The following ANO2 variants were observed in gnomAD, a reference collection of about 807,000 sequenced individuals.
ANO2 encodes anoctamin 2, also known as anoctamin-2.
ANO2 carries 101 observed loss-of-function variants against 124.2 expected under a neutral mutation model. The ratio of observed to expected loss-of-function variants is 0.81; its 90% CI spans 0.69 to 0.96. The LOEUF is 0.96. Ranked by LOEUF, ANO2 falls within the 40% of genes least tolerant of loss-of-function variation. The pLI is 0.00. For synonymous variants in ANO2, 486 were observed against 482.5 expected, an observed-to-expected ratio of 1.01 and a Z score of -0.09; for missense variants, 1,293 against 1,274.5, an observed-to-expected ratio of 1.01 and a Z score of -0.22.
chr12:5,677,859 T>C (rs60048660), intron 14 of ANO2, among the ~76,000 whole-genome samples: 15,444 of 152,294 alleles, frequency 0.1, 1,035 homozygotes, highest in African/African-American at 0.18. Context: ...GCAATTTCCT[T>C]AGACGGCTCC....
intron 16 of ANO2, among the ~76,000 whole-genome samples, chr12:5,626,182 AG>A (rs1018647533): frequency 1.3e-5 from 2 of 152,108 alleles, no homozygotes; most frequent in Admixed American, 1.3e-4. Flanking sequence ...GCTGAGGGCC[AG>A]GGAGGTGAAA....
At chr12:5,802,956 T>A (rs998392647) in intron 9 of ANO2, among the ~76,000 whole-genome samples, 72 of 152,322 alleles carry the variant, frequency 4.7e-4, no homozygotes, top group African/African-American at 1.7e-3. Flanking sequence ...GGGATCACAT[T>A]TGACAGAGGT....
At position 5,900,712 on chromosome 12, in the gene ANO2, G is replaced by A. The variant is rs931028083; in HGVS notation, c.534+20328C>T. Among the ~76,000 whole-genome samples the A allele has an allele frequency of 6.6e-5, 10 of 152,302 alleles. No homozygotes were observed. The highest frequency in any genetic ancestry group is 5.9e-4 in the Admixed American group (9 of 15,308). On this transcript the variant is annotated intron_variant, in intron 3 of 24. Transcript: ENST00000682330. The surrounding 1 kb of genome is among the most constrained non-coding windows in gnomAD (Gnocchi z 4.2). ...ATCCCCTTCCCCATGGGTGGGGCCG[G>A]GACAGGAAATGGCCAAGCACACAGC...
At chr12:5,679,146 T>C (rs1328916012) in intron 14 of ANO2, among the ~76,000 whole-genome samples, 1 of 142,576 alleles carries the variant, frequency 7.0e-6, no homozygotes, top group East Asian at 2.1e-4. Context: ...TCAAGATGGA[T>C]TAAATACTTA....
intron 20 of ANO2, among the ~76,000 whole-genome samples, chr12:5,594,357 C>T (rs376873623): frequency 1.1e-3 from 164 of 152,340 alleles, no homozygotes; most frequent in African/African-American, 3.4e-3. Flanking sequence ...TATCCCTCCT[C>T]TGCACTTGCT....
chr12:5,804,634 A>G (rs1336102883), intron 9 of ANO2, among the ~76,000 whole-genome samples: 1 of 152,216 alleles, frequency 6.6e-6, no homozygotes, highest in Non-Finnish European at 1.5e-5. Context: ...ATATCAGCCA[A>G]AGAGAAACAT....
intron 14 of ANO2, among the ~76,000 whole-genome samples, chr12:5,665,856 A>G (rs1947684245): frequency 6.6e-6 from 1 of 152,086 alleles, no homozygotes; most frequent in Non-Finnish European, 1.5e-5. Context: ...ACCACAGGGT[A>G]CAGAGCCACC....
intron 14 of ANO2, among the ~76,000 whole-genome samples, chr12:5,688,142 G>C (rs1239420016): frequency 3.3e-5 from 5 of 152,108 alleles, no homozygotes; most frequent in Non-Finnish European, 7.4e-5. Flanking sequence ...ATGAAACCTA[G>C]AAACAACAAC....
chr12:5,730,397 C>T (rs984349158), intron 14 of ANO2, among the ~76,000 whole-genome samples: 2 of 152,136 alleles, frequency 1.3e-5, no homozygotes, highest in African/African-American at 2.4e-5. Flanking sequence ...AGCAAATTCG[C>T]GCACCACTCT....
chr12:5,827,881 T>C, intron 6 of ANO2, 61 bp from the exon 7 acceptor site: 2 of 1,554,320 alleles, frequency 1.3e-6, no homozygotes, highest in Non-Finnish European at 8.7e-7. Flanking sequence ...CCACCGTGTG[T>C]CACCCTCACC....
chr12:5,816,310 T>A (rs980279229), intron 7 of ANO2, among the ~76,000 whole-genome samples: 1 of 116,198 alleles, frequency 8.6e-6, no homozygotes, highest in Non-Finnish European at 1.8e-5. Context: ...CCTCATGGAG[T>A]TATCACATTC....
intron 14 of ANO2, among the ~76,000 whole-genome samples, chr12:5,725,097 T>TCTCA (rs1491449855): frequency 2.6e-4 from 37 of 143,490 alleles, no homozygotes; most frequent in Admixed American, 3.4e-4. Context: ...TGTCTCCCTC[T>TCTCA]CACACACACA....
intron 14 of ANO2, among the ~76,000 whole-genome samples, chr12:5,708,440 C>T (rs889570346): frequency 1.3e-5 from 2 of 152,184 alleles, no homozygotes; most frequent in Non-Finnish European, 2.9e-5. Flanking sequence ...CCTCTTTGAC[C>T]TTCAACCTCA....
At chr12:5,678,217 C>T (rs758832916) in intron 14 of ANO2, among the ~76,000 whole-genome samples, 28 of 152,280 alleles carry the variant, frequency 1.8e-4, no homozygotes, top group Admixed American at 1.2e-3. Flanking sequence ...GATGTCCTGA[C>T]GCTGATTGAG....
chr12:5,819,016 A>C (rs149094065), intron 7 of ANO2, among the ~76,000 whole-genome samples: 1 of 152,136 alleles, frequency 6.6e-6, no homozygotes, highest in African/African-American at 2.4e-5. Flanking sequence ...ATTGTGGAAA[A>C]ACAGACACAA....
chr12:5,837,959 C>A (rs1442126814), intron 4 of ANO2, among the ~76,000 whole-genome samples: 2 of 151,656 alleles, frequency 1.3e-5, no homozygotes, highest in African/African-American at 4.8e-5. Context: ...AATTGATAGA[C>A]CGCTAGCAAG....
intron 3 of ANO2, among the ~76,000 whole-genome samples, chr12:5,886,604 A>C (rs1283723110): frequency 6.6e-6 from 1 of 152,226 alleles, no homozygotes; most frequent in Non-Finnish European, 1.5e-5. Context: ...TAAAGAATTA[A>C]AAAATAGAGG....
intron 4 of ANO2, among the ~76,000 whole-genome samples, chr12:5,845,852 T>C (rs1217638746): frequency 6.6e-6 from 1 of 152,238 alleles, no homozygotes; most frequent in African/African-American, 2.4e-5. Flanking sequence ...CTACCTCATG[T>C]CGTTGTTGTG....
At chr12:5,601,040 A>G (rs773389749) in intron 19 of ANO2, among the ~76,000 whole-genome samples, 5 of 152,252 alleles carry the variant, frequency 3.3e-5, no homozygotes, top group Non-Finnish European at 7.3e-5. Context: ...AGTGGATAAA[A>G]GTCTCATCTT....
Sources: gnomAD v4.1 joint callset for allele counts (sites outside exome capture counted in the v4.1 genomes callset) on GRCh38, gnomAD v4.1.1 for gene constraint, Gnocchi (gnomAD v3.1) non-coding constraint, MANE v1.5 for transcripts, NCBI Gene and HGNC (gene_info 2026-07-23, HGNC 2026-07-21) for gene names.